GPC5: variants seen among roughly 807,000 people sequenced by gnomAD.
The protein encoded by GPC5 is glypican-5.
In GPC5, 47 loss-of-function variants were observed where a neutral mutation model predicts 53.9. The observed-to-expected ratio is 0.87, with a 90% confidence interval of 0.69 to 1.11. The LOEUF is 1.11. GPC5 is among the 50% of genes most tolerant of loss of function. The pLI, the probability that GPC5 is intolerant of heterozygous loss-of-function variation, is 0.00. For synonymous variants in GPC5, 286 were observed against 263.3 expected (o/e 1.09, Z -0.84); for missense variants, 748 against 713.1 (o/e 1.05, Z -0.56).
chr13:92,597,024 T>C (rs1883903982), intron 7 of GPC5, among the ~76,000 whole-genome samples: 1 of 152,180 alleles, frequency 6.6e-6, no homozygotes, highest in African/African-American at 2.4e-5. Flanking sequence ...TTTCCCCCTC[T>C]TCACAGTGAT....
rs147302294 is a variant in GPC5, at chr13:92,352,703, A to G, written c.1561+207714A>G. 4.3e-3 allele frequency among the ~76,000 whole-genome samples: 662 copies of G among 152,336 alleles called. 2 individuals carry two copies. The highest frequency in any genetic ancestry group is 0.015 in the African/African-American group (635 of 41,584). The stretch of plus-strand genomic sequence containing the variant: ...CAAGAATATTAAGTCTGGAATAACA[A>G]TGTTGGAGAAGATGTGTATCTATGG... On this transcript the variant is annotated intron_variant, in intron 7 of 7. Transcript: ENST00000377067.
intron 7 of GPC5, among the ~76,000 whole-genome samples, chr13:92,731,593 A>C (rs1888806224): frequency 6.6e-6 from 1 of 151,480 alleles, no homozygotes; most frequent in South Asian, 2.1e-4. Flanking sequence ...TAGAGAGATT[A>C]ATGGAAAAAG....
intron 7 of GPC5, among the ~76,000 whole-genome samples, chr13:92,859,196 C>T (rs1275007553): frequency 1.3e-5 from 2 of 152,122 alleles, no homozygotes; most frequent in Non-Finnish European, 2.9e-5. Flanking sequence ...CTGCAGTGAG[C>T]TATGATGGTA....
Position 92,231,178 on chromosome 13 carries a change from T to C in GPC5, c.1561+86189T>C, listed in dbSNP as rs558775359. On this transcript the variant is annotated intron_variant, in intron 7 of 7. Transcript: ENST00000377067. Reference sequence around the variant, plus strand: ...GGATTTAAAACAGATTCTCAGTATATGGTAGCTGCCACAGATGGGATTCTA... The same window carrying C: ...GGATTTAAAACAGATTCTCAGTATACGGTAGCTGCCACAGATGGGATTCTA... 7.4e-4 allele frequency among the ~76,000 whole-genome samples: 112 copies of C among 152,304 alleles called. 1 individual carries two copies. In the South Asian group the frequency reaches 0.01, roughly 14 times the overall value.
At chr13:92,822,255 T>C (rs73623860) in intron 7 of GPC5, among the ~76,000 whole-genome samples, 133 of 152,256 alleles carry the variant, frequency 8.7e-4, no homozygotes, top group Middle Eastern at 3.4e-3. Flanking sequence ...AAGTAAAATT[T>C]ATGGACTAGG....
intron 7 of GPC5, among the ~76,000 whole-genome samples, chr13:92,313,776 T>C (rs1422328399): frequency 6.6e-6 from 1 of 152,222 alleles, no homozygotes; most frequent in Non-Finnish European, 1.5e-5. Flanking sequence ...AATGTCTAAA[T>C]ATCCTAATCT....
intron 7 of GPC5, among the ~76,000 whole-genome samples, chr13:92,618,729 T>C (rs1884779224): frequency 6.8e-6 from 1 of 147,638 alleles, no homozygotes; most frequent in African/African-American, 2.5e-5. Context: ...TGAAGTTTAA[T>C]ATTCATGCCC....
In GPC5 at chr13:92,084,051, T is replaced by G. The variant is rs149663498; in HGVS notation, c.1402-60779T>G. ...AAAACCAAACACAGCATGTTCTCAC[T>G]TATAAGTGGGAGCTGAATAATGAGA... On this transcript the variant is annotated intron_variant, in intron 6 of 7. Coordinates refer to ENST00000377067, the MANE Select transcript of GPC5 (RefSeq NM_004466.6). Among the ~76,000 whole-genome samples the G allele has an allele frequency of 1.1e-4, 17 of 152,230 alleles. No individual in the cohort carries two copies. In the East Asian group the frequency reaches 3.3e-3, roughly 29 times the overall value.
intron 2 of GPC5, among the ~76,000 whole-genome samples, chr13:91,593,444 G>T (rs1424601754): frequency 6.7e-6 from 1 of 148,294 alleles, no homozygotes; most frequent in Admixed American, 6.9e-5. Flanking sequence ...TGATAAGATG[G>T]AATGTTTGTA....
chr13:91,663,759 C>T lies in GPC5; in HGVS notation c.326-29428C>T, dbSNP rs74667292. ...GATTACAGGCATTAGTCATAGCTTC[C>T]AGCCCTATTTTGTTTCAAATAATGA... is the stretch of plus-strand genomic sequence containing the variant. On this transcript the variant is annotated intron_variant, in intron 2 of 7. Coordinates refer to ENST00000377067, the MANE Select transcript of GPC5 (RefSeq NM_004466.6). Among the ~76,000 whole-genome samples the T allele has an allele frequency of 1.5e-3, 230 of 152,210 alleles. 1 individual carries two copies. Among genetic ancestry groups the T allele is most frequent in the African/African-American group, 5.3e-3 (220 of 41,540 alleles).
intron 2 of GPC5, among the ~76,000 whole-genome samples, chr13:91,589,950 T>C (rs931630503): frequency 2.0e-5 from 3 of 152,144 alleles, no homozygotes; most frequent in African/African-American, 7.2e-5. Context: ...TGTGTAACCT[T>C]GGAGTTTGAT....
chr13:91,498,538 C>G (rs1884431802), intron 2 of GPC5, among the ~76,000 whole-genome samples: 1 of 151,996 alleles, frequency 6.6e-6, no homozygotes, highest in Non-Finnish European at 1.5e-5. Flanking sequence ...TAGCCAGGAG[C>G]ATGTGGAGAT....
At chr13:91,999,021 C>T (rs1461388554) in intron 6 of GPC5, among the ~76,000 whole-genome samples, 2 of 152,122 alleles carry the variant, frequency 1.3e-5, no homozygotes, top group East Asian at 3.9e-4. Flanking sequence ...GCTCAATAGG[C>T]TTTGCAAATT....
rs146337905 is a variant in GPC5 at position 92,520,229 on chromosome 13, A to G, written c.1562-346053A>G. On this transcript the variant is annotated intron_variant, in intron 7 of 7. Coordinates refer to ENST00000377067, the MANE Select transcript of GPC5 (RefSeq NM_004466.6). ...GGAGGAGCTGGTACCATTCCTTCTGAAACTATTCCAATCAGTAGGAAAAAA... is the reference window on the plus strand; with the variant it reads ...GGAGGAGCTGGTACCATTCCTTCTGGAACTATTCCAATCAGTAGGAAAAAA... Among the ~76,000 whole-genome samples the G allele has an allele frequency of 6.1e-3, 927 of 152,290 alleles. 13 individuals are homozygous for G. The highest frequency in any genetic ancestry group is 0.021 in the African/African-American group (866 of 41,554).
At position 92,857,461 on chromosome 13, in the gene GPC5, G is replaced by A. The variant is rs140173348; in HGVS notation, c.1562-8821G>A. 6.2e-3 allele frequency among the ~76,000 whole-genome samples: 946 copies of A among 152,182 alleles called. 8 individuals carry two copies. The highest frequency in any genetic ancestry group is 0.02 in the African/African-American group (825 of 41,528). On this transcript the variant is annotated intron_variant, in intron 7 of 7. Transcript: ENST00000377067. ...AGCAATTGCAGCAGAAATAAAAGTT[G>A]ACAAGTTGGACCTAATTAAACCAAA... is the stretch of plus-strand genomic sequence containing the variant.
intron 5 of GPC5, among the ~76,000 whole-genome samples, chr13:91,766,250 T>C (rs2037521698): frequency 6.6e-6 from 1 of 152,246 alleles, no homozygotes; most frequent in African/African-American, 2.4e-5. Flanking sequence ...AAATGCATTC[T>C]TGAGTGAAAT....
At chr13:92,414,027 G>A (rs1288362916) in intron 7 of GPC5, among the ~76,000 whole-genome samples, 1 of 152,036 alleles carries the variant, frequency 6.6e-6, no homozygotes, top group African/African-American at 2.4e-5. Context: ...CAAATGATTA[G>A]TGGAGTGAAT....
intron 7 of GPC5, among the ~76,000 whole-genome samples, chr13:92,396,499 G>GT (rs35106111): frequency 1.1e-3 from 147 of 136,874 alleles, no homozygotes; most frequent in Middle Eastern, 3.8e-3. Flanking sequence ...TGTTTTTTGT[G>GT]TTTTTTTTTT....
chr13:92,381,735 AT>A (rs2043740481), intron 7 of GPC5, among the ~76,000 whole-genome samples: 1 of 151,508 alleles, frequency 6.6e-6, no homozygotes, highest in Non-Finnish European at 1.5e-5. Context: ...CAATTGCAAA[AT>A]CGCAGAACCA....
Sources: gnomAD v4.1 joint callset for allele counts (sites outside exome capture counted in the v4.1 genomes callset) on GRCh38, gnomAD v4.1.1 for gene constraint, MANE v1.5 for transcripts, NCBI Gene and HGNC (gene_info 2026-07-23, HGNC 2026-07-21) for gene names.